The following CDH13 variants were observed in gnomAD, a reference collection of about 807,000 sequenced individuals.
CDH13 encodes the protein cadherin 13, also known as cadherin-13.
A neutral mutation model predicts 63.8 loss-of-function variants in CDH13; 24 were observed. The observed-to-expected ratio is 0.38, with a 90% CI of 0.27 to 0.53. The LOEUF is 0.53. CDH13 is among the 20% of genes least tolerant of loss of function. CDH13 has a pLI of 0.85. For missense variants in CDH13, 1,049 were observed against 903.1 expected, an observed-to-expected ratio of 1.16 and a Z score of -2.07; for synonymous variants, 503 against 355.3, an observed-to-expected ratio of 1.42 and a Z score of -4.67.
intron 5 of CDH13, among the ~76,000 whole-genome samples, chr16:83,259,775 C>G (rs1017226992): frequency 6.6e-6 from 1 of 152,162 alleles, no homozygotes; most frequent in African/African-American, 2.4e-5. Context: ...GCTGAGCCTT[C>G]TAGCCCTGAG....
chr16:82,680,488 G>A (rs534106542), intron 1 of CDH13, among the ~76,000 whole-genome samples: 8 of 139,428 alleles, frequency 5.7e-5, no homozygotes, highest in Non-Finnish European at 1.1e-4. Flanking sequence ...CTGGGAAGTG[G>A]GGCTAACACA....
chr16:83,204,635 A>T (rs1050820686), intron 4 of CDH13, among the ~76,000 whole-genome samples: 1 of 152,154 alleles, frequency 6.6e-6, no homozygotes, highest in African/African-American at 2.4e-5. Flanking sequence ...ATGCGTTTTT[A>T]TGTGTCTCTA....
intron 7 of CDH13, among the ~76,000 whole-genome samples, chr16:83,493,001 G>GT (rs1333821099): frequency 1.3e-5 from 2 of 151,750 alleles, no homozygotes; most frequent in Non-Finnish European, 2.9e-5. Flanking sequence ...GACTACCTGT[G>GT]TTTTTTGTTG....
At chr16:83,282,611 C>T (rs906948329) in intron 5 of CDH13, among the ~76,000 whole-genome samples, 2 of 152,174 alleles carry the variant, frequency 1.3e-5, no homozygotes, top group Non-Finnish European at 2.9e-5. Context: ...AACATACATG[C>T]CAGACAGTTA....
intron 6 of CDH13, among the ~76,000 whole-genome samples, chr16:83,431,332 C>T (rs887302214): frequency 6.6e-6 from 1 of 151,726 alleles, no homozygotes; most frequent in African/African-American, 2.4e-5. Context: ...GAGGAGACAA[C>T]CATAGGTTAG....
intron 2 of CDH13, among the ~76,000 whole-genome samples, chr16:83,017,207 C>T (rs1914893247): frequency 6.6e-6 from 1 of 152,174 alleles, no homozygotes; most frequent in East Asian, 1.9e-4. Context: ...TGACCCTCTT[C>T]AGAGCTTGAG....
intron 5 of CDH13, among the ~76,000 whole-genome samples, chr16:83,305,432 C>T (rs181745305): frequency 3.3e-5 from 5 of 152,306 alleles, no homozygotes; most frequent in East Asian, 3.9e-4. Flanking sequence ...TTAATCTACC[C>T]GTGTAGCCAG....
At chr16:83,590,963 T>G (rs1053640989) in intron 7 of CDH13, among the ~76,000 whole-genome samples, 1 of 139,592 alleles carries the variant, frequency 7.2e-6, no homozygotes, top group African/African-American at 2.7e-5. Context: ...CAGGCTGGAG[T>G]GCAGTGGCGT....
chr16:83,627,312 C>G (rs1208097854), intron 8 of CDH13, among the ~76,000 whole-genome samples: 2 of 151,996 alleles, frequency 1.3e-5, no homozygotes, highest in Middle Eastern at 3.2e-3. Flanking sequence ...AAAAAGATTC[C>G]TATTCATGGA....
At chr16:82,977,804 T>G (rs113504344) in intron 2 of CDH13, among the ~76,000 whole-genome samples, 3,839 of 152,210 alleles carry the variant, frequency 0.025, 69 homozygotes, top group South Asian at 0.061. Context: ...AGGAACAGTT[T>G]GGAGGGCTCA....
At chr16:82,793,535 G>T (rs1303137975) in intron 1 of CDH13, among the ~76,000 whole-genome samples, 1 of 152,140 alleles carries the variant, frequency 6.6e-6, no homozygotes, top group African/African-American at 2.4e-5. Context: ...CTCCTGAATG[G>T]TTATTCTCAT....
intron 2 of CDH13, among the ~76,000 whole-genome samples, chr16:82,876,870 G>A (rs1397860459): frequency 2.0e-5 from 3 of 152,172 alleles, no homozygotes; most frequent in Admixed American, 6.5e-5. Flanking sequence ...AACAAGGGGA[G>A]GACTTGGGCA....
rs1258493533 is a variant in CDH13, at chr16:83,070,380, C to G, written c.366+38162C>G. ...TTCATAAAGTTGGATTAAATGATAA[C>G]AAAAATTGGAACTTTCCCTTTATCT... On this transcript the variant is annotated intron_variant, in intron 3 of 13. Coordinates refer to ENST00000567109, the MANE Select transcript of CDH13 (RefSeq NM_001257.5). 2.0e-5 allele frequency among the ~76,000 whole-genome samples: 3 copies of G among 152,202 alleles called. 1 individual carries two copies. Among genetic ancestry groups the G allele is most frequent in the Admixed American group, 2.0e-4 (3 of 15,276 alleles).
chr16:82,800,840 ATT>A (rs931417594), intron 1 of CDH13, among the ~76,000 whole-genome samples: 2 of 152,112 alleles, frequency 1.3e-5, no homozygotes, highest in African/African-American at 4.8e-5. Context: ...GAGTTTGGTT[ATT>A]TTACTCATTT....
At chr16:82,890,137 A>T (rs1280432683) in intron 2 of CDH13, among the ~76,000 whole-genome samples, 3 of 152,240 alleles carry the variant, frequency 2.0e-5, no homozygotes, top group African/African-American at 7.2e-5. Flanking sequence ...AGTTGATGCT[A>T]GCTGCAGTTG....
chr16:82,844,780 C>A (rs2151139685), intron 1 of CDH13: 1 of 145,920 alleles, frequency 6.9e-6, no homozygotes, highest in East Asian at 2.2e-4. Flanking sequence ...TCTGGGACTA[C>A]AGGCGCCCGC....
intron 5 of CDH13, among the ~76,000 whole-genome samples, chr16:83,236,563 C>A (rs984483670): frequency 6.6e-6 from 1 of 152,076 alleles, no homozygotes; most frequent in African/African-American, 2.4e-5. Context: ...ATGTGCCTTC[C>A]TAAAATGCTG....
chr16:83,315,565 C>A (rs1360023475), intron 5 of CDH13, among the ~76,000 whole-genome samples: 4 of 151,794 alleles, frequency 2.6e-5, no homozygotes, highest in African/African-American at 9.7e-5. Context: ...TAGTTCATCA[C>A]CAATTTGTGC....
At chr16:83,318,563 A>T (rs958358183) in intron 5 of CDH13, among the ~76,000 whole-genome samples, 1 of 152,152 alleles carries the variant, frequency 6.6e-6, no homozygotes, top group African/African-American at 2.4e-5. Flanking sequence ...CTGTTACTCA[A>T]AATTGGCCTA....
Sources: gnomAD v4.1 joint callset for allele counts (sites outside exome capture counted in the v4.1 genomes callset) on GRCh38, gnomAD v4.1.1 for gene constraint, MANE v1.5 for transcripts, NCBI Gene and HGNC (gene_info 2026-07-23, HGNC 2026-07-21) for gene names.